DSCAML1: variants seen among roughly 807,000 people sequenced by gnomAD.
DSCAML1 encodes DS cell adhesion molecule like 1, also known as cell adhesion molecule DSCAML1.
In DSCAML1, 38 loss-of-function variants were observed where a neutral mutation model predicts 200.5. The observed-to-expected ratio is 0.19, with a 90% CI of 0.15 to 0.25. The LOEUF (loss-of-function observed/expected upper bound fraction) is 0.25. Ranked by LOEUF, DSCAML1 falls within the 10% of genes least tolerant of loss-of-function variation. The pLI is 1.00. For synonymous variants in DSCAML1, 1,215 were observed against 1,165.0 expected (o/e 1.04, Z -0.87); for missense variants, 2,223 against 2,858.8 (o/e 0.78, Z 5.07).
In DSCAML1 at chr11:117,536,825, A is replaced by G. The variant is rs1014399700; in HGVS notation, c.512-4303T>C. 3.9e-5 allele frequency among the ~76,000 whole-genome samples: 6 copies of G among 152,202 alleles called. No individual in the cohort carries two copies. The South Asian group carries it at 1.2e-3, about 32-fold the overall frequency. On this transcript the variant is annotated intron_variant, in intron 3 of 32. Transcript: ENST00000651296. ...TGCTTTTCTTCCTTTTATTATTACT[A>G]CAAAGACCCTGACCTGTTTTGCCAT... is the stretch of plus-strand genomic sequence containing the variant.
chr11:117,502,867 T>G (rs1358628578), intron 11 of DSCAML1, among the ~76,000 whole-genome samples: 1 of 151,942 alleles, frequency 6.6e-6, no homozygotes, highest in Non-Finnish European at 1.5e-5. Context: ...ATAGTGTAGA[T>G]CAGGAAAATG....
chr11:117,466,632 C>T (rs754955474), intron 16 of DSCAML1, among the ~76,000 whole-genome samples: 1 of 152,026 alleles, frequency 6.6e-6, no homozygotes, highest in African/African-American at 2.4e-5. Flanking sequence ...ACCCGGGAGG[C>T]GGAGGTTGGA....
At chr11:117,617,065 G>A (rs2137542199) in intron 3 of DSCAML1, among the ~76,000 whole-genome samples, 1 of 152,216 alleles carries the variant, frequency 6.6e-6, no homozygotes, top group East Asian at 1.9e-4. Context: ...AGTGTTTTCT[G>A]TGTATCAATT....
chr11:117,430,681 G>A (rs750981840), intron 32 of DSCAML1, 41 bp downstream of exon 32: 29 of 1,569,092 alleles, frequency 1.8e-5, no homozygotes, highest in Non-Finnish European at 2.3e-5. Context: ...TGGGGCCAGG[G>A]GGCGGGGGGG....
chr11:117,645,122 G>A (rs1442634173), intron 3 of DSCAML1, among the ~76,000 whole-genome samples: 1 of 152,236 alleles, frequency 6.6e-6, no homozygotes, highest in Non-Finnish European at 1.5e-5. Flanking sequence ...AGCATGGAAG[G>A]AAAATGCTTT....
At chr11:117,755,137 A>T (rs137940680) in intron 3 of DSCAML1, among the ~76,000 whole-genome samples, 2 of 152,204 alleles carry the variant, frequency 1.3e-5, no homozygotes, top group African/African-American at 2.4e-5. Context: ...CCTTTCAATG[A>T]TGTCTATTGG....
intron 3 of DSCAML1, among the ~76,000 whole-genome samples, chr11:117,582,806 A>G (rs1278541525): frequency 6.6e-6 from 1 of 152,206 alleles, no homozygotes; most frequent in Non-Finnish European, 1.5e-5. Context: ...CTCAGTTCTC[A>G]GGCTGTGCCC....
chr11:117,623,539 A>C (rs184083841), intron 3 of DSCAML1, among the ~76,000 whole-genome samples: 172 of 152,266 alleles, frequency 1.1e-3, no homozygotes, highest in African/African-American at 4.0e-3. Context: ...TTGCAGTGGA[A>C]GGCCCCTTAG....
chr11:117,599,136 C>CAGAAATTTTTCTTAGT (rs11274556), intron 3 of DSCAML1, among the ~76,000 whole-genome samples: 1 of 151,886 alleles, frequency 6.6e-6, no homozygotes, highest in Non-Finnish European at 1.5e-5. Flanking sequence ...GCCGCAAAAC[C>CAGAAATTTTTCTTAGT]ACCTCACAGG....
chr11:117,559,310 G>T (rs75375456), intron 3 of DSCAML1, among the ~76,000 whole-genome samples: 2,326 of 152,276 alleles, frequency 0.015, 37 homozygotes, highest in East Asian at 0.084. Context: ...ACTGGGGAGA[G>T]TCATGCCCTC....
chr11:117,557,733 G>A (rs2050584987), intron 3 of DSCAML1, among the ~76,000 whole-genome samples: 1 of 152,182 alleles, frequency 6.6e-6, no homozygotes, highest in South Asian at 2.1e-4. Flanking sequence ...GGGAGGCAGT[G>A]AGAAGGAACA....
chr11:117,713,878 A>T (rs1418618762), intron 3 of DSCAML1, among the ~76,000 whole-genome samples: 2 of 152,050 alleles, frequency 1.3e-5, no homozygotes, highest in South Asian at 2.1e-4. Context: ...CCCTGGAACC[A>T]CCTGCCAGCC....
intron 3 of DSCAML1, among the ~76,000 whole-genome samples, chr11:117,570,360 C>T (rs1278427592): frequency 6.6e-6 from 1 of 152,178 alleles, no homozygotes; most frequent in African/African-American, 2.4e-5. Flanking sequence ...CTTAGACAGT[C>T]ACAATGCATA....
rs2052431273 is a variant in DSCAML1, at chr11:117,642,468, C to T, written c.512-109946G>A. Among the ~76,000 whole-genome samples the T allele has an allele frequency of 6.6e-6, 1 of 152,250 alleles. No individual in the cohort carries two copies. Among genetic ancestry groups the T allele is most frequent in the Non-Finnish European group, 1.5e-5 (1 of 68,048 alleles). Reference sequence around the variant, plus strand: ...AAATAAGGGGAACTGTCAGGCCCCACTGCCAACATGCTCAGTAGGACACTA... The same window carrying T: ...AAATAAGGGGAACTGTCAGGCCCCATTGCCAACATGCTCAGTAGGACACTA... On this transcript the variant is annotated intron_variant, in intron 3 of 32. Transcript: ENST00000651296. The surrounding 1 kb of genome is among the most constrained non-coding windows in gnomAD (Gnocchi z 4.1).
chr11:117,684,650 C>A (rs1287616943), intron 3 of DSCAML1, among the ~76,000 whole-genome samples: 2 of 151,936 alleles, frequency 1.3e-5, no homozygotes, highest in East Asian at 3.9e-4. Flanking sequence ...TGTGCTAGTT[C>A]TTCTGTTCTG....
At chr11:117,810,748 G>C (rs1436925553) in intron 1 of DSCAML1, among the ~76,000 whole-genome samples, 2 of 152,126 alleles carry the variant, frequency 1.3e-5, no homozygotes, top group Non-Finnish European at 2.9e-5. Context: ...CATCCTACAA[G>C]AGCTAAATAA....
intron 19 of DSCAML1, among the ~76,000 whole-genome samples, chr11:117,454,291 A>G (rs1256847364): frequency 2.6e-5 from 4 of 152,158 alleles, no homozygotes; most frequent in East Asian, 1.9e-4. Flanking sequence ...ATGATCCCCA[A>G]CTGATCTGTA....
intron 5 of DSCAML1, among the ~76,000 whole-genome samples, chr11:117,521,660 C>T (rs542005976): frequency 3.9e-5 from 6 of 152,226 alleles, no homozygotes; most frequent in Admixed American, 1.3e-4. Flanking sequence ...TCCCCTAAAA[C>T]GTGTCCCTGT....
Position 117,780,719 on chromosome 11 carries a change from G to A in DSCAML1, c.138C>T (p.Pro46=). 1.3e-6 allele frequency: 2 copies of A among 1,577,212 alleles called. No individual in the cohort carries two copies. Among genetic ancestry groups the A allele is most frequent in the Middle Eastern group, 1.7e-4 (1 of 5,990 alleles). ...TFSSSVGVVV[P]CPAAGSPSAA... is the part of the protein sequence containing the mutation. The stretch of plus-strand genomic sequence containing the variant: ...CGCTGGGGGAGCCCGCGGCCGGGCA[G>A]GGCACCACCACCCCCACGGAGCTGG... Residue 46 remains proline, a synonymous_variant, in exon 2 of 33, where the codon CCC becomes CCT. Coordinates refer to ENST00000651296, the MANE Select transcript of DSCAML1 (RefSeq NM_020693.4). The surrounding 1 kb of genome is among the most constrained non-coding windows in gnomAD (Gnocchi z 4.8).
Sources: allele counts gnomAD v4.1 joint callset (sites outside exome capture counted in the v4.1 genomes callset), GRCh38; gene constraint gnomAD v4.1.1; non-coding constraint Gnocchi (gnomAD v3.1); transcripts MANE v1.5; gene names NCBI Gene and HGNC (gene_info 2026-07-23, HGNC 2026-07-21).